Variants in TTC1 observed in about 807,000 individuals in gnomAD.
TTC1 encodes the protein tetratricopeptide repeat domain 1.
A neutral mutation model predicts 37.6 loss-of-function variants in TTC1; 31 were observed. The observed-to-expected ratio is 0.82, with a 90% CI of 0.62 to 1.11. The LOEUF is 1.11. Among genes scored for constraint, TTC1 ranks in the 50% most tolerant of loss-of-function variants. The probability of loss-of-function intolerance (pLI) is 0.00; values close to 1 mark genes in which losing one functional copy is unlikely to be tolerated. For synonymous variants in TTC1, 127 were observed against 122.4 expected (o/e 1.04, Z -0.25); for missense variants, 351 against 339.0 (o/e 1.04, Z -0.28).
rs137922052 is a variant in TTC1 at position 160,018,610 on chromosome 5, T to G, written c.330+7752T>G. ...GGCTGATAGTAGGCAAGGGTCTGAT[T>G]ATGGAATAGTTCCTAAGCCGTAGTA... On this transcript the variant is annotated intron_variant, in intron 2 of 7. Transcript: ENST00000231238. 1.5e-4 allele frequency among the ~76,000 whole-genome samples: 23 copies of G among 152,300 alleles called. No homozygotes were observed. In the East Asian group the frequency reaches 3.9e-3, roughly 26 times the overall value.
intron 2 of TTC1, among the ~76,000 whole-genome samples, chr5:160,021,950 C>G (rs1394546821): frequency 4.6e-5 from 7 of 152,020 alleles, no homozygotes; most frequent in Non-Finnish European, 1.5e-5. Context: ...TACTGTGATC[C>G]CTGGGTACTG....
At chr5:160,027,585 C>A (rs1257270627) in intron 2 of TTC1, among the ~76,000 whole-genome samples, 1 of 152,142 alleles carries the variant, frequency 6.6e-6, no homozygotes, top group Non-Finnish European at 1.5e-5. Flanking sequence ...TTCATTTCCT[C>A]CTGTGGTTTT....
intron 2 of TTC1, among the ~76,000 whole-genome samples, chr5:160,024,529 CAG>C (rs1473438980): frequency 1.3e-5 from 2 of 152,134 alleles, no homozygotes; most frequent in African/African-American, 2.4e-5. Flanking sequence ...TTAAGAGAGA[CAG>C]AGTAGCCCAA....
At chr5:160,030,191 T>C (rs1489429942) in intron 2 of TTC1, among the ~76,000 whole-genome samples, 1 of 152,198 alleles carries the variant, frequency 6.6e-6, no homozygotes, top group Non-Finnish European at 1.5e-5. Flanking sequence ...TACTAGACTT[T>C]GAAAACTACA....
chr5:160,046,735 C>T (rs376491412), intron 5 of TTC1, among the ~76,000 whole-genome samples: 1 of 151,994 alleles, frequency 6.6e-6, no homozygotes, highest in East Asian at 1.9e-4. Context: ...AGCAACAGGC[C>T]GGGCACAGTG....
intron 7 of TTC1, among the ~76,000 whole-genome samples, chr5:160,052,927 T>TA (rs1490468926): frequency 1.3e-5 from 2 of 152,228 alleles, no homozygotes; most frequent in Non-Finnish European, 2.9e-5. Flanking sequence ...GCTTTGTAAA[T>TA]AATATGTGTT....
chr5:160,049,417 G>A (rs138542608), intron 5 of TTC1, 97 bp from the exon 6 acceptor site: 42 of 1,167,360 alleles, frequency 3.6e-5, no homozygotes, highest in Middle Eastern at 3.0e-4. Context: ...TCTTCCTTTC[G>A]TATCCTTGGA....
At position 160,049,637 on chromosome 5, in the gene TTC1, TAC is replaced by T; in HGVS notation, c.667_668del (p.His223SerfsTer11). 1 of 1,591,504 alleles carries T rather than the reference TAC, an allele frequency of 6.3e-7. No homozygotes were observed. The highest frequency in any genetic ancestry group is 8.5e-7 in the Non-Finnish European group (1 of 1,173,802). On this transcript the variant is annotated frameshift_variant, in exon 6 of 8. Coordinates refer to ENST00000231238, the MANE Select transcript of TTC1 (RefSeq NM_003314.3). LOFTEE classifies it high-confidence loss of function. ...TCTATATTAGAAAAAGATCCATCAA[TAC>T]ATCAAGCAAGAGAAGCTTGTATGGT...
intron 2 of TTC1, among the ~76,000 whole-genome samples, chr5:160,029,948 G>A (rs1243006109): frequency 6.6e-6 from 1 of 152,154 alleles, no homozygotes; most frequent in African/African-American, 2.4e-5. Flanking sequence ...CTTGACAGGA[G>A]CCTCTTCTGC....
At chr5:160,021,694 A>T (rs895443083) in intron 2 of TTC1, among the ~76,000 whole-genome samples, 2 of 152,176 alleles carry the variant, frequency 1.3e-5, no homozygotes, top group African/African-American at 4.8e-5. Flanking sequence ...AAAGCAAGTG[A>T]TATCTGATTT....
chr5:160,049,814 T>C (rs1016304275), intron 6 of TTC1, 152 bp downstream of exon 6: 1 of 673,224 alleles, frequency 1.5e-6, no homozygotes, highest in African/African-American at 1.9e-5. Flanking sequence ...GCAGTGGCTC[T>C]TGCCTGTAAT....
At chr5:160,039,109 G>A (rs1395177885) in intron 4 of TTC1, 1 of 152,178 alleles carries the variant, frequency 6.6e-6, no homozygotes, top group Non-Finnish European at 1.5e-5. Context: ...AGGTAAAGAT[G>A]AAGAATTTCT....
Position 160,051,208 on chromosome 5 carries a change from G to T in TTC1, c.745+25G>T. The T allele has an allele frequency of 1.9e-6, 3 of 1,590,700 alleles. No homozygotes were observed. The South Asian group carries it at 3.4e-5, about 18-fold the overall frequency. The stretch of plus-strand genomic sequence containing the variant: ...GGTAAGCTTACTTCTTACTTTGCTT[G>T]ATCATAAACAGCTAGGAACCTAGGG... On this transcript the variant is annotated intron_variant, in intron 7 of 7. Coordinates refer to ENST00000231238, the MANE Select transcript of TTC1 (RefSeq NM_003314.3).
chr5:160,038,121 A>G lies in TTC1; in HGVS notation c.504+1318A>G, dbSNP rs6896069. On this transcript the variant is annotated intron_variant, in intron 4 of 7. Coordinates refer to ENST00000231238, the MANE Select transcript of TTC1 (RefSeq NM_003314.3). Reference sequence around the variant, plus strand: ...TTTACCAGAACTTGTGTAAGATTCAATCTTCAAAGCAGAGTATTTTTGGAG... The same window carrying G: ...TTTACCAGAACTTGTGTAAGATTCAGTCTTCAAAGCAGAGTATTTTTGGAG... Among the ~76,000 whole-genome samples the G allele has an allele frequency of 4.0e-3, 615 of 152,192 alleles. 3 individuals carry two copies. Among genetic ancestry groups the G allele is most frequent in the African/African-American group, 0.013 (552 of 41,510 alleles).
chr5:160,010,481 T>C lies in TTC1; in HGVS notation c.-29-19T>C. The C allele has an allele frequency of 6.5e-7, 1 of 1,527,494 alleles. No homozygotes were observed. The highest frequency in any genetic ancestry group is 8.9e-7 in the Non-Finnish European group (1 of 1,118,052). The allele number at this position is 1,527,494 out of a possible 1,614,324, so 94.6% of individuals were successfully genotyped here. On this transcript the variant is annotated intron_variant, in intron 1 of 7. Transcript: ENST00000231238. Reference sequence around the variant, plus strand: ...ATACAAGCACCATTATATAGCAGTTTTGTTTTGTTTTCCCCCAGCTTTAGC... The same window carrying C: ...ATACAAGCACCATTATATAGCAGTTCTGTTTTGTTTTCCCCCAGCTTTAGC...
intron 2 of TTC1, among the ~76,000 whole-genome samples, chr5:160,024,999 G>C (rs1756776006): frequency 6.6e-6 from 1 of 152,036 alleles, no homozygotes; most frequent in African/African-American, 2.4e-5. Context: ...ATCATGCCCA[G>C]CTAATTTTTG....
chr5:160,024,123 C>CAGAGA, intron 2 of TTC1: 1 of 688,222 alleles, frequency 1.5e-6, no homozygotes, highest in Non-Finnish European at 2.6e-6. Flanking sequence ...GTACATAGCA[C>CAGAGA]AGTGCCTACA....
chr5:160,038,112 T>A (rs1757027710), intron 4 of TTC1, among the ~76,000 whole-genome samples: 1 of 152,094 alleles, frequency 6.6e-6, no homozygotes. Flanking sequence ...AGAACTTGTG[T>A]AAGATTCAAT....
intron 2 of TTC1, among the ~76,000 whole-genome samples, chr5:160,025,812 A>G (rs574941578): frequency 3.3e-5 from 5 of 152,246 alleles, no homozygotes; most frequent in African/African-American, 9.6e-5. Flanking sequence ...CTTCGTTGCC[A>G]GTGCAACTCC....
Sources: allele counts gnomAD v4.1 joint callset (sites outside exome capture counted in the v4.1 genomes callset), GRCh38; gene constraint gnomAD v4.1.1; transcripts MANE v1.5; gene names NCBI Gene and HGNC (gene_info 2026-07-23, HGNC 2026-07-21).